The following ZDHHC13 variants were observed in gnomAD, a reference collection of about 807,000 sequenced individuals.
The protein encoded by ZDHHC13 is zDHHC palmitoyltransferase 13.
Under a neutral mutation model 86.0 loss-of-function variants are expected in ZDHHC13, and 85 were observed. The ratio of observed to expected loss-of-function variants is 0.99; its 90% CI spans 0.83 to 1.18. ZDHHC13 has a LOEUF of 1.18. Ranked by LOEUF, ZDHHC13 falls within the 50% of genes most tolerant of loss-of-function variation. The pLI is 0.00. For missense variants in ZDHHC13, 711 were observed against 730.2 expected (o/e 0.97, Z 0.30); for synonymous variants, 263 against 246.4 (o/e 1.07, Z -0.63).
At chr11:19,140,708 C>T (rs1366702378) in intron 1 of ZDHHC13, among the ~76,000 whole-genome samples, 1 of 152,046 alleles carries the variant, frequency 6.6e-6, no homozygotes, top group African/African-American at 2.4e-5. Flanking sequence ...AAATGTGGCA[C>T]ATATACACCA....
chr11:19,171,096 A>G (rs1378089988), intron 15 of ZDHHC13, among the ~76,000 whole-genome samples: 1 of 152,202 alleles, frequency 6.6e-6, no homozygotes, highest in East Asian at 1.9e-4. Flanking sequence ...CAGTGTTTAA[A>G]TGGATGAGAG....
In ZDHHC13 at chr11:19,149,335, T is replaced by G; in HGVS notation, c.519+4T>G. The G allele has an allele frequency of 6.4e-7, 1 of 1,574,576 alleles. No individual in the cohort carries two copies. Reference sequence around the variant, plus strand: ...ATATCTCATCTCAAAGGGACAGGTATGTTCTGAAATGTGTCTTATACTCCA... The same window carrying G: ...ATATCTCATCTCAAAGGGACAGGTAGGTTCTGAAATGTGTCTTATACTCCA... On this transcript the variant is annotated splice_donor_region_variant and intron_variant, in intron 5 of 16. Transcript: ENST00000446113.
At position 19,152,834 on chromosome 11, in the gene ZDHHC13, A is replaced by G. The variant is rs1849650847; in HGVS notation, c.873+150A>G. 4 of 1,287,878 alleles carry G rather than the reference A, an allele frequency of 3.1e-6. 1 individual carries two copies. In the South Asian group the frequency reaches 5.7e-5, roughly 18 times the overall value. The allele number at this position is 1,287,878 out of a possible 1,614,324, so 79.8% of individuals were successfully genotyped here. ...TCTTTCCCCCGCATCCTATTACCCA[A>G]AGTTGGAAATTTGGCACTTTCATTG... On this transcript the variant is annotated intron_variant, in intron 8 of 16. Transcript: ENST00000446113.
intron 3 of ZDHHC13, 101 bp from the exon 4 acceptor site, chr11:19,147,495 G>C: frequency 5.0e-6 from 5 of 995,898 alleles, no homozygotes; most frequent in Non-Finnish European, 5.9e-6. Flanking sequence ...ATCATAATTT[G>C]TTCTCCAACA....
chr11:19,117,135 G>C, upstream of ZDHHC13: 2 of 1,151,804 alleles, frequency 1.7e-6, no homozygotes, highest in East Asian at 2.6e-5. The surrounding 1 kb of genome is among the most constrained non-coding windows in gnomAD (Gnocchi z 4.2). Flanking sequence ...GACCGCAGCG[G>C]CGGAGGTGAG....
At chr11:19,172,925 G>T in intron 16 of ZDHHC13, 105 bp downstream of exon 16, 1 of 1,043,586 alleles carries the variant, frequency 9.6e-7, no homozygotes, top group Admixed American at 2.8e-5. Context: ...TCTGTAATTT[G>T]CCATCTAGTA....
intron 10 of ZDHHC13, among the ~76,000 whole-genome samples, chr11:19,160,860 G>A (rs963977241): frequency 3.3e-5 from 5 of 151,816 alleles, no homozygotes; most frequent in Non-Finnish European, 5.9e-5. Flanking sequence ...TCGTTAGTGG[G>A]TCGTGGAAGA....
intron 1 of ZDHHC13, among the ~76,000 whole-genome samples, chr11:19,132,152 A>G (rs1165566559): frequency 1.3e-5 from 2 of 152,052 alleles, no homozygotes; most frequent in African/African-American, 2.4e-5. Flanking sequence ...TTGATAGTGG[A>G]CTTTGTGAAT....
At chr11:19,169,978 A>G (rs1028233650) in intron 14 of ZDHHC13, 2 of 996,698 alleles carry the variant, frequency 2.0e-6, no homozygotes, top group Non-Finnish European at 2.4e-6. Flanking sequence ...TGCTTGTGGG[A>G]TATCTTGTGC....
At chr11:19,166,145 G>A (rs1280188596) in intron 13 of ZDHHC13, among the ~76,000 whole-genome samples, 157 bp from the exon 14 acceptor site, 1 of 152,206 alleles carries the variant, frequency 6.6e-6, no homozygotes, top group Non-Finnish European at 1.5e-5. Context: ...TATCAGAAAT[G>A]TGTGGTTTGA....
intron 1 of ZDHHC13, among the ~76,000 whole-genome samples, chr11:19,142,347 C>T (rs1456374765): frequency 2.0e-5 from 3 of 152,158 alleles, no homozygotes; most frequent in Non-Finnish European, 4.4e-5. Context: ...GAATCTCTTG[C>T]TTCAGTTGGC....
chr11:19,169,386 C>A, intron 14 of ZDHHC13: 7 of 985,340 alleles, frequency 7.1e-6, no homozygotes, highest in African/African-American at 1.7e-5. Flanking sequence ...GGCATATATT[C>A]ATGAAAGATG....
chr11:19,146,582 A>G (rs1849473963), intron 3 of ZDHHC13, among the ~76,000 whole-genome samples: 1 of 152,206 alleles, frequency 6.6e-6, no homozygotes, highest in Non-Finnish European at 1.5e-5. Context: ...GAAAAGTATA[A>G]TAAACTTTTT....
At chr11:19,126,939 A>G (rs947870936) in intron 1 of ZDHHC13, among the ~76,000 whole-genome samples, 16 of 152,140 alleles carry the variant, frequency 1.1e-4, no homozygotes, top group African/African-American at 3.6e-4. Context: ...ATGTGTCTTT[A>G]TAGTAGAATG....
intron 3 of ZDHHC13, among the ~76,000 whole-genome samples, chr11:19,147,356 A>T (rs1849492104): frequency 6.6e-6 from 1 of 152,164 alleles, no homozygotes. Flanking sequence ...TATGTAAGTT[A>T]TAATGGAATG....
At chr11:19,152,533 A>C in intron 7 of ZDHHC13, 26 bp from the exon 8 acceptor site, 1 of 1,554,566 alleles carries the variant, frequency 6.4e-7, no homozygotes, top group Non-Finnish European at 8.7e-7. Flanking sequence ...AATACTTTTA[A>C]ACTTTTTACC....
intron 1 of ZDHHC13, among the ~76,000 whole-genome samples, chr11:19,134,607 A>G (rs781414480): frequency 4.0e-4 from 61 of 152,160 alleles, no homozygotes; most frequent in Admixed American, 7.2e-4. Flanking sequence ...TAACACAGGA[A>G]CAGAAAACCA....
In ZDHHC13 at chr11:19,166,681, T is replaced by C. The variant is rs565245202; in HGVS notation, c.1474+296T>C. 9.0e-5 allele frequency: 18 copies of C among 199,256 alleles called. No homozygotes were observed. In the Admixed American group the frequency reaches 9.9e-4, roughly 11 times the overall value. 12.3% of individuals were successfully genotyped at this position (199,256 alleles called of 1,614,324 possible). Reference sequence around the variant, plus strand: ...CCAGTGAAGAAGGAAAGTCAGCTGCTGAAGTACAAAGCTGGAGGTGGTAAC... The same window carrying C: ...CCAGTGAAGAAGGAAAGTCAGCTGCCGAAGTACAAAGCTGGAGGTGGTAAC... On this transcript the variant is annotated intron_variant, in intron 14 of 16. Transcript: ENST00000446113.
chr11:19,147,491 A>T (rs1849496133), intron 3 of ZDHHC13, 105 bp from the exon 4 acceptor site: 2 of 967,918 alleles, frequency 2.1e-6, no homozygotes, highest in Admixed American at 4.7e-5. Flanking sequence ...TACTATCATA[A>T]TTTGTTCTCC....
Sources: gnomAD v4.1 joint callset for allele counts (sites outside exome capture counted in the v4.1 genomes callset) on GRCh38, gnomAD v4.1.1 for gene constraint, Gnocchi (gnomAD v3.1) non-coding constraint, MANE v1.5 for transcripts, NCBI Gene and HGNC (gene_info 2026-07-23, HGNC 2026-07-21) for gene names.